R3HDM2: variants seen among roughly 807,000 people sequenced by gnomAD.
R3HDM2 encodes R3H domain-containing protein 2.
R3HDM2 carries 38 observed loss-of-function variants against 124.5 expected under a neutral mutation model. The ratio of observed to expected loss-of-function variants is 0.31; its 90% CI spans 0.24 to 0.40. The LOEUF (loss-of-function observed/expected upper bound fraction) is 0.40. Among genes scored for constraint, R3HDM2 ranks in the 10% least tolerant of loss-of-function variants. R3HDM2 has a pLI of 1.00. For synonymous variants in R3HDM2, 391 were observed against 448.0 expected, an observed-to-expected ratio of 0.87 and a Z score of 1.61; for missense variants, 869 against 1,236.9, an observed-to-expected ratio of 0.70 and a Z score of 4.46.
chr12:57,263,795 G>A (rs1383824459), intron 19 of R3HDM2, among the ~76,000 whole-genome samples: 1 of 152,184 alleles, frequency 6.6e-6, no homozygotes, highest in Non-Finnish European at 1.5e-5. Context: ...CTCCTTAAAG[G>A]TAAGAACTGA....
At chr12:57,255,704 C>T (rs953335152) in intron 23 of R3HDM2, among the ~76,000 whole-genome samples, 5 of 152,140 alleles carry the variant, frequency 3.3e-5, no homozygotes, top group Admixed American at 6.5e-5. Flanking sequence ...AGGTAGATGT[C>T]GTAGATTAGG....
At chr12:57,353,782 A>G (rs1231666988) in intron 2 of R3HDM2, among the ~76,000 whole-genome samples, 1 of 152,120 alleles carries the variant, frequency 6.6e-6, no homozygotes, top group Non-Finnish European at 1.5e-5. Context: ...TGACATGAAC[A>G]TATGGATTCA....
chr12:57,374,730 A>G (rs1335736520), intron 2 of R3HDM2, among the ~76,000 whole-genome samples: 17 of 145,252 alleles, frequency 1.2e-4, no homozygotes, highest in African/African-American at 4.1e-4. Flanking sequence ...GCGGTGGCTC[A>G]CGCCTGTAAT....
intron 2 of R3HDM2, among the ~76,000 whole-genome samples, chr12:57,344,023 C>T (rs1184251749): frequency 6.6e-6 from 1 of 152,118 alleles, no homozygotes; most frequent in African/African-American, 2.4e-5. Flanking sequence ...AAAACCAGCA[C>T]AACAATCACC....
intron 10 of R3HDM2, among the ~76,000 whole-genome samples, chr12:57,295,095 G>A (rs373167362): frequency 5.3e-4 from 81 of 152,298 alleles, no homozygotes; most frequent in African/African-American, 1.9e-3. Context: ...CTGAGGCAGG[G>A]ATCAACCTTG....
intron 2 of R3HDM2, among the ~76,000 whole-genome samples, chr12:57,366,533 G>A (rs2062681220): frequency 6.6e-6 from 1 of 151,982 alleles, no homozygotes; most frequent in African/African-American, 2.4e-5. Flanking sequence ...TCATTCCTGG[G>A]TCTATTTCTA....
intron 2 of R3HDM2, among the ~76,000 whole-genome samples, chr12:57,393,523 T>A (rs1331613133): frequency 2.0e-5 from 3 of 151,942 alleles, no homozygotes; most frequent in African/African-American, 7.3e-5. Flanking sequence ...ATTATCCAGT[T>A]TGGGGAACAA....
intron 10 of R3HDM2, among the ~76,000 whole-genome samples, chr12:57,294,309 C>G (rs1170239186): frequency 6.6e-6 from 1 of 152,104 alleles, no homozygotes; most frequent in East Asian, 1.9e-4. Context: ...CCCCAATGTG[C>G]CTCTAGGCCT....
At chr12:57,291,652 T>TAA (rs112491276) in intron 11 of R3HDM2, among the ~76,000 whole-genome samples, 1 of 111,768 alleles carries the variant, frequency 8.9e-6, no homozygotes, top group African/African-American at 3.3e-5. Flanking sequence ...AAACCCTATC[T>TAA]AAAAAAAAAA....
intron 1 of R3HDM2, among the ~76,000 whole-genome samples, chr12:57,403,579 C>T (rs944926314): frequency 6.6e-6 from 1 of 151,904 alleles, no homozygotes; most frequent in Non-Finnish European, 1.5e-5. Context: ...GAGACAGGGG[C>T]GGGTGTATTG....
chr12:57,396,527 C>T (rs1329801237), intron 1 of R3HDM2, among the ~76,000 whole-genome samples: 1 of 151,834 alleles, frequency 6.6e-6, no homozygotes, highest in African/African-American at 2.4e-5. Flanking sequence ...GCCTGTAATC[C>T]CAGCACTTTG....
Position 57,300,111 on chromosome 12 carries a change from C to T in R3HDM2, c.278G>A (p.Gly93Glu), listed in dbSNP as rs1187763606. The change falls in exon 5 of 24, where the codon GGG (glycine) becomes GAG (glutamate). Residue 93 changes from glycine to glutamate, a missense_variant. Physicochemically the swap from Gly to Glu is moderately conservative, Grantham distance 98. Coordinates refer to ENST00000402412, the MANE Select transcript of R3HDM2 (RefSeq NM_001394031.1). ...ATGACCTACCTGGGTTTCTAATGGC[C>T]CATCAGCAAATGGGGTGGAGGACTC... ...CEESSTPFAD[G>E]PLETQDIIQL... is the part of the protein sequence containing the mutation. 1 of 1,551,508 alleles carries T rather than the reference C, an allele frequency of 6.4e-7. No homozygotes were observed. The highest frequency in any genetic ancestry group is 2.0e-5 in the Admixed American group (1 of 50,984).
At chr12:57,272,495 G>A in intron 14 of R3HDM2, 3 of 1,550,426 alleles carry the variant, frequency 1.9e-6, no homozygotes, top group Non-Finnish European at 2.6e-6. Flanking sequence ...GAAGGACTTG[G>A]GGACAGGAGC....
intron 2 of R3HDM2, among the ~76,000 whole-genome samples, chr12:57,362,222 T>C (rs11172181): frequency 0.19 from 28,486 of 152,184 alleles, 3,144 homozygotes; most frequent in Admixed American, 0.28. Context: ...CCTCCTCCCG[T>C]CTTCCATCCC....
At chr12:57,361,657 C>T (rs1272665129) in intron 2 of R3HDM2, among the ~76,000 whole-genome samples, 1 of 151,878 alleles carries the variant, frequency 6.6e-6, no homozygotes, top group Non-Finnish European at 1.5e-5. Flanking sequence ...ATTATACACT[C>T]CAGCCTGGGT....
chr12:57,320,035 G>A (rs771265941), intron 2 of R3HDM2, among the ~76,000 whole-genome samples: 1 of 151,858 alleles, frequency 6.6e-6, no homozygotes, highest in Non-Finnish European at 1.5e-5. Context: ...GGAGGCGGGC[G>A]GATCACTGAG....
At chr12:57,332,265 AT>A (rs977652276) in intron 2 of R3HDM2, among the ~76,000 whole-genome samples, 5 of 151,594 alleles carry the variant, frequency 3.3e-5, no homozygotes, top group South Asian at 2.1e-4. Flanking sequence ...AAATAAAAAA[AT>A]AAACCAGGTG....
intron 4 of R3HDM2, among the ~76,000 whole-genome samples, chr12:57,300,949 T>A (rs10876971): frequency 0.24 from 36,110 of 151,410 alleles, 4,645 homozygotes; most frequent in South Asian, 0.43. Flanking sequence ...AAAAATTTTT[T>A]AAAAATTAGC....
chr12:57,330,590 C>T (rs1014636242), intron 2 of R3HDM2, among the ~76,000 whole-genome samples: 26 of 151,612 alleles, frequency 1.7e-4, no homozygotes, highest in African/African-American at 5.6e-4. Context: ...GGTGATCCAC[C>T]CGCCTTGGCC....
Sources: allele counts gnomAD v4.1 joint callset (sites outside exome capture counted in the v4.1 genomes callset), GRCh38; gene constraint gnomAD v4.1.1; transcripts MANE v1.5; gene names NCBI Gene and HGNC (gene_info 2026-07-23, HGNC 2026-07-21).